EPRS1: variants seen among roughly 807,000 people sequenced by gnomAD.
The protein encoded by EPRS1 is bifunctional glutamate/proline--tRNA ligase.
Under a neutral mutation model 188.3 loss-of-function variants are expected in EPRS1, and 107 were observed. The ratio of observed to expected loss-of-function variants is 0.57; its 90% CI spans 0.49 to 0.67. The LOEUF is 0.67. Among genes scored for constraint, EPRS1 ranks in the 30% least tolerant of loss-of-function variants. EPRS1 has a pLI of 0.00. For synonymous variants in EPRS1, 596 were observed against 593.1 expected (o/e 1.00, Z -0.07); for missense variants, 1,577 against 1,802.2 (o/e 0.88, Z 2.26).
At chr1:220,037,855 A>G (rs1266543097) in intron 2 of EPRS1, among the ~76,000 whole-genome samples, 1 of 152,160 alleles carries the variant, frequency 6.6e-6, no homozygotes, top group Non-Finnish European at 1.5e-5. Context: ...ACAAACACCA[A>G]TTACTCCATG....
intron 18 of EPRS1, among the ~76,000 whole-genome samples, chr1:219,991,703 C>T (rs1342234338): frequency 6.6e-6 from 1 of 152,122 alleles, no homozygotes; most frequent in Admixed American, 6.5e-5. Context: ...GGAGCCAATA[C>T]AGCACAGGGT....
chr1:219,972,071 T>C lies in EPRS1; in HGVS notation c.4321A>G (p.Lys1441Glu). The C allele has an allele frequency of 6.3e-7, 1 of 1,585,040 alleles. No individual in the cohort carries two copies. The highest frequency in any genetic ancestry group is 8.6e-7 in the Non-Finnish European group (1 of 1,165,926). The change falls in exon 30 of 32, where the codon AAG (lysine) becomes GAG (glutamate). Residue 1441 changes from lysine to glutamate, a missense_variant and splice_region_variant. Coordinates refer to ENST00000366923, the MANE Select transcript of EPRS1 (RefSeq NM_004446.3). Reference protein sequence around the residue: ...EDFQKILDSGKIVQIPFCGEI... With the variant: ...EDFQKILDSGEIVQIPFCGEI... ...AAAAGTTTTCCAAACTCTCTGACCT[T>C]TCCAGAATCTAGTATCTTCTGAAAG...
chr1:220,006,965 T>C (rs1250560628), intron 14 of EPRS1, among the ~76,000 whole-genome samples: 2 of 152,216 alleles, frequency 1.3e-5, no homozygotes, highest in African/African-American at 4.8e-5. Flanking sequence ...CTATTTTTTA[T>C]ATCCAGATGT....
rs181389649 is a variant in EPRS1, at chr1:220,023,966, A to G, written c.943+298T>C. On this transcript the variant is annotated intron_variant, in intron 8 of 31. Transcript: ENST00000366923. ...CAGGAATTCGAGACCAGCTTGGCCA[A>G]TATGGTGAAACCCCGTCTCTACTAA... is the stretch of plus-strand genomic sequence containing the variant. Among the ~76,000 whole-genome samples, 774 of 152,300 alleles carry G rather than the reference A, an allele frequency of 5.1e-3. 7 individuals are homozygous for G. The highest frequency in any genetic ancestry group is 0.018 in the African/African-American group (751 of 41,560).
chr1:219,978,176 A>G (rs1660813507), intron 28 of EPRS1, among the ~76,000 whole-genome samples: 1 of 152,214 alleles, frequency 6.6e-6, no homozygotes, highest in Admixed American at 6.5e-5. Flanking sequence ...TATAACAAAC[A>G]CAGCTAAGTG....
At chr1:219,991,914 G>C (rs1661132102) in intron 18 of EPRS1, among the ~76,000 whole-genome samples, 1 of 152,160 alleles carries the variant, frequency 6.6e-6, no homozygotes, top group African/African-American at 2.4e-5. Flanking sequence ...ACCATAATCT[G>C]ATGTAAGATG....
intron 1 of EPRS1, 62 bp downstream of exon 1, chr1:220,046,281 C>A (rs1278374427): frequency 6.2e-7 from 1 of 1,602,950 alleles, no homozygotes; most frequent in Non-Finnish European, 8.5e-7. Flanking sequence ...CAGCGACCTT[C>A]CACGCCCTGC....
intron 21 of EPRS1, among the ~76,000 whole-genome samples, chr1:219,983,662 G>T (rs1385059064): frequency 6.6e-6 from 1 of 152,124 alleles, no homozygotes; most frequent in Non-Finnish European, 1.5e-5. Context: ...GGACGCCGAG[G>T]TGGGTGGATT....
At chr1:220,024,548 A>G (rs1661936364) in intron 7 of EPRS1, 92 bp from the exon 8 acceptor site, 6 of 783,374 alleles carry the variant, frequency 7.7e-6, no homozygotes, top group Non-Finnish European at 1.2e-5. Flanking sequence ...CAAATGTAAC[A>G]TAGACCATCA....
At chr1:219,983,535 T>A in intron 21 of EPRS1, 137 bp from the exon 22 acceptor site, 1 of 632,526 alleles carries the variant, frequency 1.6e-6, no homozygotes, top group East Asian at 2.7e-5. Context: ...GAGGTCATAA[T>A]GGAAGTAAAA....
intron 15 of EPRS1, among the ~76,000 whole-genome samples, 155 bp from the exon 16 acceptor site, chr1:220,005,515 G>C (rs947269025): frequency 6.6e-6 from 1 of 152,206 alleles, no homozygotes; most frequent in Non-Finnish European, 1.5e-5. Flanking sequence ...AAACGGTGAA[G>C]TGTTAAATGA....
chr1:220,046,208 T>C, intron 1 of EPRS1, 135 bp downstream of exon 1: 1 of 1,052,762 alleles, frequency 9.5e-7, no homozygotes, highest in Non-Finnish European at 1.4e-6. Context: ...CCACGTACAA[T>C]TCTGGGGCGA....
intron 12 of EPRS1, among the ~76,000 whole-genome samples, chr1:220,011,381 G>C (rs1363930810): frequency 1.3e-5 from 2 of 152,096 alleles, no homozygotes; most frequent in Non-Finnish European, 2.9e-5. Flanking sequence ...GTTTTCCAGT[G>C]GGGTTATATC....
intron 20 of EPRS1, among the ~76,000 whole-genome samples, chr1:219,984,958 C>T (rs1029049420): frequency 1.3e-5 from 2 of 151,304 alleles, no homozygotes; most frequent in African/African-American, 2.4e-5. Flanking sequence ...GAGAATGAAT[C>T]GCTTGAACCT....
At position 220,005,311 on chromosome 1, in the gene EPRS1, C is replaced by T; in HGVS notation, c.2000G>A (p.Gly667Glu). The T allele has an allele frequency of 1.2e-6, 2 of 1,601,234 alleles. No individual in the cohort carries two copies. The highest frequency in any genetic ancestry group is 1.7e-6 in the Non-Finnish European group (2 of 1,173,660). Reference sequence around the variant, plus strand: ...TCTTCTCTGGAGTTGTATAATATCTCCTTTTTTCAAATCCTTAAGGCAGGG... The same window carrying T: ...TCTTCTCTGGAGTTGTATAATATCTTCTTTTTTCAAATCCTTAAGGCAGGG... ...GDPCLKDLKK[G>E]DIIQLQRRGF... The change falls in exon 16 of 32, where the codon GGA becomes GAA. Residue 667 changes from glycine (G) to glutamate (E), a missense_variant. By Grantham distance (98) the Gly-to-Glu change is moderately conservative. Coordinates refer to ENST00000366923, the MANE Select transcript of EPRS1 (RefSeq NM_004446.3).
chr1:220,036,874 T>C (rs1390412162), intron 2 of EPRS1, among the ~76,000 whole-genome samples: 2 of 151,594 alleles, frequency 1.3e-5, no homozygotes, highest in South Asian at 2.1e-4. Context: ...GAAACAAAAA[T>C]ACTGCAATCA....
chr1:220,027,225 C>T (rs1661992685), intron 6 of EPRS1, among the ~76,000 whole-genome samples: 1 of 152,058 alleles, frequency 6.6e-6, no homozygotes, highest in African/African-American at 2.4e-5. Context: ...GAGATCAAGA[C>T]CATCCTGGCT....
intron 20 of EPRS1, 31 bp from the exon 21 acceptor site, chr1:219,984,288 C>T: frequency 6.6e-7 from 1 of 1,522,252 alleles, no homozygotes; most frequent in Non-Finnish European, 9.1e-7. Flanking sequence ...AGATAAATAT[C>T]TTCATTCAGC....
At chr1:219,990,706 A>T (rs1320695460) in intron 18 of EPRS1, among the ~76,000 whole-genome samples, 2 of 152,162 alleles carry the variant, frequency 1.3e-5, no homozygotes, top group Admixed American at 1.3e-4. Context: ...TTCGAAAGAG[A>T]TGTTTGACTA....
Sources: gnomAD v4.1 joint callset for allele counts (sites outside exome capture counted in the v4.1 genomes callset) on GRCh38, gnomAD v4.1.1 for gene constraint, MANE v1.5 for transcripts, NCBI Gene and HGNC (gene_info 2026-07-23, HGNC 2026-07-21) for gene names.